ACP5: variants seen among roughly 807,000 people sequenced by gnomAD.
ACP5 encodes tartrate-resistant acid phosphatase type 5.
A neutral mutation model predicts 28.7 loss-of-function variants in ACP5; 24 were observed. That is an observed-to-expected ratio of 0.84 (90% confidence interval 0.61 to 1.18). ACP5 has a LOEUF of 1.18. ACP5 is among the 50% of genes most tolerant of loss of function. ACP5 has a pLI of 0.00. For missense variants in ACP5, 354 were observed against 422.2 expected, an observed-to-expected ratio of 0.84 and a Z score of 1.42; for synonymous variants, 154 against 181.4, an observed-to-expected ratio of 0.85 and a Z score of 1.21.
rs752275809 is a variant in ACP5, at chr19:11,576,781, G to A, written c.324C>T (p.Ala108=). ...CATTGCCAAGGTGGTCATGGTTTCCGGCTAGCACGTACCAGGGCACTTTGC... is the reference window on the plus strand; with the variant it reads ...CATTGCCAAGGTGGTCATGGTTTCCAGCTAGCACGTACCAGGGCACTTTGC... ...SLRKVPWYVL[A]GNHDHLGNVS... Residue 108 remains alanine, a synonymous_variant, in exon 3 of 5, where the codon GCC becomes GCT. Transcript: ENST00000648477. 7 of 1,613,956 alleles carry A rather than the reference G, an allele frequency of 4.3e-6. No individual in the cohort carries two copies. Among genetic ancestry groups the A allele is most frequent in the Non-Finnish European group, 5.9e-6 (7 of 1,180,010 alleles).
At position 11,577,619 on chromosome 19, in the gene ACP5, G is replaced by T; in HGVS notation, c.-27C>A. On this transcript the variant is annotated 5_prime_UTR_variant, in exon 1 of 5. Transcript: ENST00000648477. The surrounding 1 kb of genome is among the most constrained non-coding windows in gnomAD (Gnocchi z 5.7). ...CAGGGGGAGACACAGGCCAGTCACC[G>T]GAGGCTCTGAGAGGCTGGTGGGCTC... 1 of 514,120 alleles carries T rather than the reference G, an allele frequency of 1.9e-6. No homozygotes were observed. Among genetic ancestry groups the T allele is most frequent in the Non-Finnish European group, 3.5e-6 (1 of 281,852 alleles). The allele number at this position is 514,120 out of a possible 1,614,324, so 31.8% of individuals were successfully genotyped here.
Position 11,574,908 on chromosome 19 carries a change from C to T in ACP5, c.*102G>A, listed in dbSNP as rs1029129857. On this transcript the variant is annotated 3_prime_UTR_variant, in exon 5 of 5. Coordinates refer to ENST00000648477, the MANE Select transcript of ACP5 (RefSeq NM_001611.5). The stretch of plus-strand genomic sequence containing the variant: ...GTTTCCCCTTCCTGCCCTGCTGCAG[C>T]GCCACAGGTTGGAGGAAAAGCCTGC... 28 of 1,372,158 alleles carry T rather than the reference C, an allele frequency of 2.0e-5. No individual in the cohort carries two copies. The highest frequency in any genetic ancestry group is 1.4e-4 in the East Asian group (6 of 43,472). The allele number at this position is 1,372,158 out of a possible 1,614,324, so 85.0% of individuals were successfully genotyped here.
At chr19:11,578,763 C>G (rs1973268654), upstream of ACP5, 2 of 152,448 alleles carry the variant, frequency 1.3e-5, no homozygotes, top group Non-Finnish European at 2.9e-5. Context: ...CCATTCCCAG[C>G]CCTGCAGCAG....
At chr19:11,575,831 C>CAA (rs953392053) in intron 4 of ACP5, among the ~76,000 whole-genome samples, 4 of 92,426 alleles carry the variant, frequency 4.3e-5, no homozygotes, top group African/African-American at 1.2e-4. Flanking sequence ...CACTCCCTCT[C>CAA]AAAAAAAAAA....
chr19:11,576,656 C>T (rs1973169256), intron 3 of ACP5, 60 bp downstream of exon 3: 3 of 1,613,832 alleles, frequency 1.9e-6, no homozygotes, highest in Admixed American at 1.7e-5. Context: ...GCTCAAGCCA[C>T]AGGGCCCCTG....
chr19:11,575,732 T>A (rs1181802027), intron 4 of ACP5, among the ~76,000 whole-genome samples: 4 of 151,518 alleles, frequency 2.6e-5, no homozygotes, highest in Non-Finnish European at 5.9e-5. Context: ...TGGCCCATGC[T>A]TGTAATCCCA....
Position 11,576,508 on chromosome 19 carries a change from G to A in ACP5, c.470C>T (p.Thr157Ile). 5 of 1,614,144 alleles carry A rather than the reference G, an allele frequency of 3.1e-6. No individual in the cohort carries two copies. The highest frequency in any genetic ancestry group is 4.2e-6 in the Non-Finnish European group (5 of 1,180,014). ...ATCTGAGTTGCCACATAGTGTCACT[G>A]TGTCCAGCATAAAAATGGCCACAGA... ...NVSVAIFMLD[T>I]VTLCGNSDDF... Residue 157 changes from threonine (T) to isoleucine (I), a missense_variant, in exon 4 of 5, where the codon ACA becomes ATA. Coordinates refer to ENST00000648477, the MANE Select transcript of ACP5 (RefSeq NM_001611.5).
Position 11,574,835 on chromosome 19 carries a change from G to A in ACP5, c.*175C>T. Reference sequence around the variant, plus strand: ...ATGTCCATGTGTGTTTCACATACGTGGGCATCTGTGCCACAAGGGTCATGT... The same window carrying A: ...ATGTCCATGTGTGTTTCACATACGTAGGCATCTGTGCCACAAGGGTCATGT... On this transcript the variant is annotated 3_prime_UTR_variant, in exon 5 of 5. Coordinates refer to ENST00000648477, the MANE Select transcript of ACP5 (RefSeq NM_001611.5). The A allele has an allele frequency of 1.5e-6, 1 of 672,834 alleles. No individual in the cohort carries two copies. The allele number at this position is 672,834 out of a possible 1,614,324, so 41.7% of individuals were successfully genotyped here. A position where few individuals can be genotyped will look rare whatever the true frequency, so the allele number is the denominator to read the frequency against.
chr19:11,577,875 G>C, upstream of ACP5: 1 of 216,050 alleles, frequency 4.6e-6, no homozygotes, highest in Admixed American at 5.2e-5. This position sits in a 1 kb window ranked among gnomAD's most constrained non-coding sequence, Gnocchi z 5.7. Context: ...GCAGGGGCCT[G>C]TTTGTGCTGT....
chr19:11,576,682 A>G (rs1469900098), intron 3 of ACP5, 34 bp downstream of exon 3: 1 of 1,611,956 alleles, frequency 6.2e-7, no homozygotes, highest in Non-Finnish European at 8.5e-7. Context: ...CTGCTATGTG[A>G]GGATCTCGGA....
At position 11,577,239 on chromosome 19, in the gene ACP5, G is replaced by T. The variant is rs369579418; in HGVS notation, c.79C>A (p.Arg27Ser). Residue 27 changes from arginine (R) to serine (S), a missense_variant, in exon 2 of 5, where the codon CGC becomes AGC. Arg to Ser is a moderately radical substitution (Grantham distance 110). Transcript: ENST00000648477. The surrounding 1 kb of genome is among the most constrained non-coding windows in gnomAD (Gnocchi z 5.7). ...SLADGATPALRFVAVGDWGGV... is the reference protein window; with the variant it reads ...SLADGATPALSFVAVGDWGGV... The stretch of plus-strand genomic sequence containing the variant: ...CCCCAGTCACCCACGGCTACAAAGC[G>T]CAGGGCAGGGGTGGCACCATCAGCC... The T allele has an allele frequency of 2.5e-6, 4 of 1,614,060 alleles. No individual in the cohort carries two copies. The African/African-American group carries it at 5.3e-5, about 22-fold the overall frequency.
rs952553549 is a variant in ACP5, at chr19:11,574,888, C to T, written c.*122G>A. 24 of 1,158,562 alleles carry T rather than the reference C, an allele frequency of 2.1e-5. No homozygotes were observed. The highest frequency in any genetic ancestry group is 3.0e-5 in the Non-Finnish European group (24 of 792,618). The allele number at this position is 1,158,562 out of a possible 1,614,324, so 71.8% of individuals were successfully genotyped here. On this transcript the variant is annotated 3_prime_UTR_variant, in exon 5 of 5. Coordinates refer to ENST00000648477, the MANE Select transcript of ACP5 (RefSeq NM_001611.5). ...CACCACAGTTCATCAGCTGTGTTTC[C>T]CCTTCCTGCCCTGCTGCAGCGCCAC... is the stretch of plus-strand genomic sequence containing the variant.
In ACP5 at chr19:11,576,735, A is replaced by C; in HGVS notation, c.370T>G (p.Ser124Ala). The change falls in exon 3 of 5, where the codon TCT (serine) becomes GCT (alanine). Residue 124 changes from serine (S) to alanine (A), a missense_variant. Coordinates refer to ENST00000648477, the MANE Select transcript of ACP5 (RefSeq NM_001611.5). ...GCTCACCAGCGCTTGGAGATCTTAG[A>C]GTATGCAATCTGGGCAGAGACATTG... ...LGNVSAQIAY[S>A]KISKRWNFPS... 6.2e-7 allele frequency: 1 copy of C among 1,613,982 alleles called. No individual in the cohort carries two copies.
Position 11,577,414 on chromosome 19 carries a change from GCTGCAGGCTGCCC to G in ACP5, c.1-110_1-98del. 1 of 1,388,284 alleles carries G rather than the reference GCTGCAGGCTGCCC, an allele frequency of 7.2e-7. No homozygotes were observed. The highest frequency in any genetic ancestry group is 1.0e-6 in the Non-Finnish European group (1 of 1,000,284). 86.0% of individuals were successfully genotyped at this position (1,388,284 alleles called of 1,614,324 possible). A position where few individuals can be genotyped will look rare whatever the true frequency, so the allele number is the denominator to read the frequency against. On this transcript the variant is annotated intron_variant, in intron 1 of 4. Coordinates refer to ENST00000648477, the MANE Select transcript of ACP5 (RefSeq NM_001611.5). The surrounding 1 kb of genome is among the most constrained non-coding windows in gnomAD (Gnocchi z 5.7). ...GCCCTGAGATAGAGGGAGACTGCTT[GCTGCAGGCTGCCC>G]CTGCGGGAACCCCTTGGTGCCCTAA... is the stretch of plus-strand genomic sequence containing the variant.
chr19:11,578,250 G>T, upstream of ACP5: 1 of 152,690 alleles, frequency 6.5e-6, no homozygotes, highest in Non-Finnish European at 1.5e-5. Flanking sequence ...GCATCTCTAG[G>T]ATGGGTTGCG....
At chr19:11,575,371 GC>G in intron 4 of ACP5, 119 bp from the exon 5 acceptor site, 1 of 1,256,368 alleles carries the variant, frequency 8.0e-7, no homozygotes, top group Non-Finnish European at 1.1e-6. Context: ...ACCCCTCCTG[GC>G]TTCAATTTCC....
rs1413963470 is a variant in ACP5, at chr19:11,576,225, C to T, written c.735+18G>A. The T allele has an allele frequency of 4.4e-6, 7 of 1,600,448 alleles. No individual in the cohort carries two copies. The Admixed American group carries it at 1.0e-4, about 23-fold the overall frequency. The stretch of plus-strand genomic sequence containing the variant: ...GACCCCCCTCACCCAGCTCCCACCC[C>T]ACCCACAGGGCCCTCACCTGCAGAT... On this transcript the variant is annotated intron_variant, in intron 4 of 4. Transcript: ENST00000648477.
At chr19:11,578,145 C>T (rs1252539916), upstream of ACP5, 1 of 146,754 alleles carries the variant, frequency 6.8e-6, no homozygotes, top group Admixed American at 7.0e-5. Context: ...GCCTGTGTGG[C>T]TTGTCTGCGA....
chr19:11,575,136 C>T lies in ACP5; in HGVS notation c.852G>A (p.Gly284=), dbSNP rs1216989762. The T allele has an allele frequency of 2.5e-6, 4 of 1,614,092 alleles. No homozygotes were observed. The highest frequency in any genetic ancestry group is 1.7e-6 in the Non-Finnish European group (2 of 1,180,052). The part of the protein sequence containing the change: ...VPNGYLRFHY[G]TEDSLGGFAY... ...CAAAGCCACCCAGTGAGTCTTCAGT[C>T]CCATAGTGGAAGCGCAGATAGCCGT... The change falls in exon 5 of 5, where the codon GGG becomes GGA. Residue 284 remains glycine, a synonymous_variant. Coordinates refer to ENST00000648477, the MANE Select transcript of ACP5 (RefSeq NM_001611.5).
Sources: allele counts gnomAD v4.1 joint callset (sites outside exome capture counted in the v4.1 genomes callset), GRCh38; gene constraint gnomAD v4.1.1; non-coding constraint Gnocchi (gnomAD v3.1); transcripts MANE v1.5; gene names NCBI Gene and HGNC (gene_info 2026-07-23, HGNC 2026-07-21).